The following PTPRJ variants were observed in gnomAD, a reference collection of about 807,000 sequenced individuals.
PTPRJ encodes the protein receptor-type tyrosine-protein phosphatase eta.
In PTPRJ, 129 loss-of-function variants were observed where a neutral mutation model predicts 141.3. The ratio of observed to expected loss-of-function variants is 0.91; its 90% confidence interval spans 0.79 to 1.06. PTPRJ has a LOEUF of 1.06. Ranked by LOEUF, PTPRJ falls within the 50% of genes least tolerant of loss-of-function variation. The pLI, the probability that PTPRJ is intolerant of heterozygous loss-of-function variation, is 0.00. For synonymous variants in PTPRJ, 610 were observed against 640.5 expected (o/e 0.95, Z 0.72); for missense variants, 1,601 against 1,679.7 (o/e 0.95, Z 0.82).
chr11:48,020,815 C>T (rs1364209509), intron 1 of PTPRJ, among the ~76,000 whole-genome samples: 1 of 152,114 alleles, frequency 6.6e-6, no homozygotes, highest in Non-Finnish European at 1.5e-5. Context: ...CTAAGAACAG[C>T]CCGTGGGCAA....
rs544737332 is a variant in PTPRJ at position 48,052,639 on chromosome 11, A to G, written c.97-57419A>G. ...TACTTTTAAGGGGAGCAACTTAATC[A>G]GTGGGAAACCAGATCTCAAAGGATG... On this transcript the variant is annotated intron_variant, in intron 1 of 24. Coordinates refer to ENST00000418331, the MANE Select transcript of PTPRJ (RefSeq NM_002843.4). Among the ~76,000 whole-genome samples the G allele has an allele frequency of 3.9e-5, 6 of 152,308 alleles. No homozygotes were observed. The South Asian group carries it at 6.2e-4, about 16-fold the overall frequency.
intron 1 of PTPRJ, among the ~76,000 whole-genome samples, chr11:48,029,197 C>T (rs1007976204): frequency 9.2e-5 from 14 of 152,144 alleles, no homozygotes; most frequent in Non-Finnish European, 4.4e-5. Context: ...GATGTGGGCT[C>T]ATCTTCTTGG....
chr11:48,106,486 A>G (rs1385440885), intron 1 of PTPRJ, among the ~76,000 whole-genome samples: 1 of 152,212 alleles, frequency 6.6e-6, no homozygotes. Context: ...GTGCTGGGCA[A>G]GGAAACATCT....
chr11:47,991,513 C>T (rs746400778), intron 1 of PTPRJ, among the ~76,000 whole-genome samples: 8 of 152,156 alleles, frequency 5.3e-5, no homozygotes, highest in East Asian at 3.8e-4. Flanking sequence ...CCTGTTTCCA[C>T]GGCAGCAAGG....
In PTPRJ at chr11:48,110,094, C is replaced by A; in HGVS notation, c.115+18C>A. 1 of 1,612,092 alleles carries A rather than the reference C, an allele frequency of 6.2e-7. No individual in the cohort carries two copies. The highest frequency in any genetic ancestry group is 1.1e-5 in the South Asian group (1 of 91,030). On this transcript the variant is annotated intron_variant, in intron 2 of 24. Transcript: ENST00000418331. ...AGGTGGCAGTGAGTACCCTTTTCCT[C>A]TCTATTCTTGTGTTGTTCGCTACTG...
At chr11:48,001,103 C>T (rs59041654) in intron 1 of PTPRJ, among the ~76,000 whole-genome samples, 2,184 of 150,648 alleles carry the variant, frequency 0.014, 115 homozygotes, top group Admixed American at 0.087. Flanking sequence ...AAGCAATTCT[C>T]GGTCCTCAGC....
rs954530722 is a variant in PTPRJ, at chr11:48,128,116, T to A, written c.1357+73T>A. On this transcript the variant is annotated intron_variant, in intron 7 of 24. Transcript: ENST00000418331. ...GTGCCAGGCCCAGACACAGGATGCA[T>A]GATGTAGTAATGGTGACTGTTGGCT... 4 of 1,516,180 alleles carry A rather than the reference T, an allele frequency of 2.6e-6. No individual in the cohort carries two copies. The African/African-American group carries it at 5.5e-5, about 21-fold the overall frequency. 93.9% of individuals were successfully genotyped at this position (1,516,180 alleles called of 1,614,324 possible).
At chr11:48,046,998 C>A (rs919778271) in intron 1 of PTPRJ, among the ~76,000 whole-genome samples, 8 of 147,142 alleles carry the variant, frequency 5.4e-5, no homozygotes, top group African/African-American at 2.0e-4. Context: ...TCACTGCAAC[C>A]TCTGCCTCCT....
chr11:48,164,497 T>G lies in PTPRJ; in HGVS notation c.3837T>G (p.Pro1279=), dbSNP rs1329590961. The G allele has an allele frequency of 1.2e-6, 2 of 1,612,998 alleles. No individual in the cohort carries two copies. Among genetic ancestry groups the G allele is most frequent in the Non-Finnish European group, 1.7e-6 (2 of 1,179,616 alleles). The part of the protein sequence containing the change: ...GIVYDLRMHR[P]LMVQTEDQYV... ...TGTATGACCTTCGAATGCATAGGCC[T>G]TTAATGGTGCAGACAGAGGTGAGGC... The change falls in exon 24 of 25, where the codon CCT becomes CCG. Residue 1279 remains proline, a synonymous_variant. Coordinates refer to ENST00000418331, the MANE Select transcript of PTPRJ (RefSeq NM_002843.4).
At chr11:48,132,709 A>G (rs1322675761) in intron 8 of PTPRJ, 11 of 912,920 alleles carry the variant, frequency 1.2e-5, no homozygotes, top group African/African-American at 7.2e-5. Flanking sequence ...ATATATATAT[A>G]TATAAAAGAA....
At chr11:48,042,043 T>G (rs910031827) in intron 1 of PTPRJ, among the ~76,000 whole-genome samples, 2 of 151,378 alleles carry the variant, frequency 1.3e-5, no homozygotes, top group Non-Finnish European at 2.9e-5. Context: ...CTCAAATAGT[T>G]TGCATTTACA....
At chr11:48,155,480 A>C (rs962061611) in intron 19 of PTPRJ, among the ~76,000 whole-genome samples, 1 of 152,206 alleles carries the variant, frequency 6.6e-6, no homozygotes, top group Non-Finnish European at 1.5e-5. Flanking sequence ...TGAGGATGCT[A>C]ATAGTAACAG....
intron 8 of PTPRJ, 139 bp from the exon 9 acceptor site, chr11:48,135,900 T>G (rs1857090211): frequency 5.2e-6 from 5 of 953,620 alleles, no homozygotes; most frequent in Non-Finnish European, 8.0e-6. Context: ...ATTTCTCAGC[T>G]CGATTTTGGA....
chr11:47,981,820 A>G (rs1369630097), intron 1 of PTPRJ, among the ~76,000 whole-genome samples: 1 of 152,136 alleles, frequency 6.6e-6, no homozygotes, highest in Non-Finnish European at 1.5e-5. Context: ...CAGATGGGGA[A>G]CTGAGGGAGA....
Position 47,980,836 on chromosome 11 carries a change from C to T in PTPRJ, c.-77C>T. The T allele has an allele frequency of 9.4e-7, 1 of 1,060,268 alleles. No individual in the cohort carries two copies. 65.7% of individuals were successfully genotyped at this position (1,060,268 alleles called of 1,614,324 possible). ...AGGCGAAGGAGACGGCAGGAGGCGG[C>T]GACGACGGTGCCCGGGCTCGGGCGC... On this transcript the variant is annotated 5_prime_UTR_variant, in exon 1 of 25. Coordinates refer to ENST00000418331, the MANE Select transcript of PTPRJ (RefSeq NM_002843.4).
chr11:48,117,502 C>G (rs972831889), intron 3 of PTPRJ, among the ~76,000 whole-genome samples: 3 of 133,834 alleles, frequency 2.2e-5, no homozygotes, highest in Non-Finnish European at 4.6e-5. Flanking sequence ...GATCGCACCA[C>G]TGCACTCCAG....
chr11:47,988,260 G>A (rs1854101933), intron 1 of PTPRJ, among the ~76,000 whole-genome samples: 1 of 152,158 alleles, frequency 6.6e-6, no homozygotes, highest in East Asian at 1.9e-4. Flanking sequence ...ATGTAAAAGG[G>A]AAGAATCCTT....
Position 48,155,975 on chromosome 11 carries a change from C to A in PTPRJ, c.3304-10C>A. On this transcript the variant is annotated splice_polypyrimidine_tract_variant and intron_variant, in intron 20 of 24. Coordinates refer to ENST00000418331, the MANE Select transcript of PTPRJ (RefSeq NM_002843.4). ...TTTGAGGTTGACTATGTGCTGTTTC[C>A]CATTTTTAGGGCTACCACTCCAAGA... 3 of 1,608,790 alleles carry A rather than the reference C, an allele frequency of 1.9e-6. No individual in the cohort carries two copies. The highest frequency in any genetic ancestry group is 1.7e-6 in the Non-Finnish European group (2 of 1,175,648).
chr11:48,133,622 A>G (rs1857026451), intron 8 of PTPRJ, among the ~76,000 whole-genome samples: 1 of 152,244 alleles, frequency 6.6e-6, no homozygotes, highest in Non-Finnish European at 1.5e-5. Flanking sequence ...TCTCCAAAAG[A>G]ATTGAAAACA....
Sources: allele counts gnomAD v4.1 joint callset (sites outside exome capture counted in the v4.1 genomes callset), GRCh38; gene constraint gnomAD v4.1.1; transcripts MANE v1.5; gene names NCBI Gene and HGNC (gene_info 2026-07-23, HGNC 2026-07-21).